The following LRP5 variants were observed in gnomAD, a reference collection of about 807,000 sequenced individuals.
LRP5 encodes LDL receptor related protein 5, also known as low-density lipoprotein receptor-related protein 5.
A neutral mutation model predicts 154.1 loss-of-function variants in LRP5; 62 were observed. That is an observed-to-expected ratio of 0.40 (90% CI 0.33 to 0.50). The LOEUF is 0.50. Ranked by LOEUF, LRP5 falls within the 20% of genes least tolerant of loss-of-function variation. The probability of loss-of-function intolerance (pLI) is 0.55; values close to 1 mark genes in which losing one functional copy is unlikely to be tolerated. For synonymous variants in LRP5, 966 were observed against 1,011.5 expected (o/e 0.96, Z 0.85); for missense variants, 1,915 against 2,336.7 (o/e 0.82, Z 3.72).
chr11:68,373,440 G>A (rs1408478319), intron 5 of LRP5, among the ~76,000 whole-genome samples: 1 of 152,160 alleles, frequency 6.6e-6, no homozygotes, highest in Non-Finnish European at 1.5e-5. Context: ...TATTTACGTG[G>A]CCCCTGAGCT....
At chr11:68,445,509 A>G in intron 21 of LRP5, 6 of 926,040 alleles carry the variant, frequency 6.5e-6, no homozygotes, top group East Asian at 4.9e-5. Context: ...GTACCACCCT[A>G]GGGGGCCTGA....
At chr11:68,392,790 T>C (rs1406649032) in intron 7 of LRP5, among the ~76,000 whole-genome samples, 1 of 152,110 alleles carries the variant, frequency 6.6e-6, no homozygotes, top group Non-Finnish European at 1.5e-5. Flanking sequence ...TTCCATAGCA[T>C]TGTGTTTTCC....
the LRP5 span, among the ~76,000 whole-genome samples, chr11:68,306,278 G>A: frequency 6.6e-6 from 1 of 152,122 alleles, no homozygotes; most frequent in African/African-American, 2.4e-5. Context: ...TGGGATTATA[G>A]GCACCCGCCA....
chr11:68,307,309 C>T, the LRP5 span, among the ~76,000 whole-genome samples: 1 of 150,730 alleles, frequency 6.6e-6, no homozygotes, highest in African/African-American at 2.4e-5. Context: ...ACAGCTGTCC[C>T]CCATCTCTAT....
the LRP5 span, among the ~76,000 whole-genome samples, chr11:68,299,257 G>A: frequency 1.3e-5 from 2 of 152,206 alleles, no homozygotes; most frequent in African/African-American, 4.8e-5. Flanking sequence ...AGTGCTGGAT[G>A]CAAGGGACAG....
At chr11:68,422,018 C>G (rs149009583) in intron 13 of LRP5, among the ~76,000 whole-genome samples, 2 of 152,140 alleles carry the variant, frequency 1.3e-5, no homozygotes, top group African/African-American at 4.8e-5. Flanking sequence ...GCCTCGGCCT[C>G]CCAGGCTGAA....
At chr11:68,324,810 C>T (rs149325550) in intron 1 of LRP5, among the ~76,000 whole-genome samples, 13 of 152,220 alleles carry the variant, frequency 8.5e-5, no homozygotes, top group East Asian at 3.9e-4. Context: ...CACACCTTCA[C>T]GGCCCCGTGG....
intron 21 of LRP5, among the ~76,000 whole-genome samples, chr11:68,443,187 T>C (rs1004969584): frequency 2.0e-5 from 3 of 152,026 alleles, no homozygotes; most frequent in East Asian, 1.9e-4. Context: ...TCATGAATGA[T>C]GTAAGCATCA....
chr11:68,318,256 G>A (rs1422037427), intron 1 of LRP5, among the ~76,000 whole-genome samples: 2 of 150,600 alleles, frequency 1.3e-5, no homozygotes, highest in Non-Finnish European at 2.9e-5. Flanking sequence ...GGGTTTCACC[G>A]TGTTAGCCAG....
At chr11:68,425,337 A>G (rs770436855) in intron 15 of LRP5, 45 bp downstream of exon 15, 8 of 1,559,770 alleles carry the variant, frequency 5.1e-6, no homozygotes, top group Middle Eastern at 2.2e-4. Flanking sequence ...CCCGGCCTTC[A>G]TTGTCAGTAA....
rs1261298965 is a variant in LRP5 at position 68,353,149 on chromosome 11, A to G, written c.489-4501A>G. Among the ~76,000 whole-genome samples the G allele has an allele frequency of 6.6e-6, 1 of 152,058 alleles. No homozygotes were observed. The highest frequency in any genetic ancestry group is 1.5e-5 in the Non-Finnish European group (1 of 68,006). On this transcript the variant is annotated intron_variant, in intron 2 of 22. Coordinates refer to ENST00000294304, the MANE Select transcript of LRP5 (RefSeq NM_002335.4). This position sits in a 1 kb window ranked among gnomAD's most constrained non-coding sequence, Gnocchi z 4.5. ...TGTTTGGCTCTGGCTTTTCTTAACT[A>G]TTTGAAATGGTTCCTTTACATGCTT...
At chr11:68,441,085 T>A (rs1442008992) in intron 21 of LRP5, among the ~76,000 whole-genome samples, 2 of 147,924 alleles carry the variant, frequency 1.4e-5, no homozygotes, top group East Asian at 4.1e-4. Flanking sequence ...TTTCTTTTCT[T>A]TTCTTTTTTC....
chr11:68,376,084 C>A (rs577913717), intron 5 of LRP5, among the ~76,000 whole-genome samples: 101 of 151,690 alleles, frequency 6.7e-4, no homozygotes, highest in Non-Finnish European at 1.2e-3. Flanking sequence ...TTCTTGGGGG[C>A]CACTGCAGCG....
At chr11:68,342,891 G>A (rs2098609941) in intron 1 of LRP5, among the ~76,000 whole-genome samples, 1 of 152,258 alleles carries the variant, frequency 6.6e-6, no homozygotes, top group Non-Finnish European at 1.5e-5. Flanking sequence ...TGGGGCTTTT[G>A]TACCCAGGGT....
intron 5 of LRP5, among the ~76,000 whole-genome samples, chr11:68,385,929 C>T (rs2098642729): frequency 6.6e-6 from 1 of 152,086 alleles, no homozygotes; most frequent in South Asian, 2.1e-4. Context: ...CAGCCTGGTA[C>T]CCGGCGGGAC....
chr11:68,433,921 A>T, intron 18 of LRP5, 83 bp downstream of exon 18: 1 of 1,318,938 alleles, frequency 7.6e-7, no homozygotes, highest in Non-Finnish European at 1.1e-6. Context: ...CCGGCCTCAC[A>T]GGAGTAGGGG....
intron 1 of LRP5, among the ~76,000 whole-genome samples, chr11:68,314,755 C>G (rs2098591802): frequency 6.6e-6 from 1 of 152,238 alleles, no homozygotes; most frequent in African/African-American, 2.4e-5. Flanking sequence ...AAGGCCAAGG[C>G]CGGGCCCTCT....
At chr11:68,437,064 A>C (rs2098675443) in intron 19 of LRP5, 65 bp downstream of exon 19, 3 of 1,376,968 alleles carry the variant, frequency 2.2e-6, no homozygotes, top group Non-Finnish European at 3.1e-6. Flanking sequence ...CGTGGAGTTT[A>C]GGGGAGGAGA....
At chr11:68,443,390 T>C (rs1183481272) in intron 21 of LRP5, among the ~76,000 whole-genome samples, 2 of 145,210 alleles carry the variant, frequency 1.4e-5, no homozygotes, top group African/African-American at 5.1e-5. Context: ...CTTGGGAGTC[T>C]GAAGCATGAG....
Sources: gnomAD v4.1 joint callset for allele counts (sites outside exome capture counted in the v4.1 genomes callset) on GRCh38, gnomAD v4.1.1 for gene constraint, Gnocchi (gnomAD v3.1) non-coding constraint, MANE v1.5 for transcripts, NCBI Gene and HGNC (gene_info 2026-07-23, HGNC 2026-07-21) for gene names.